Variants in NT5M observed in about 807,000 individuals in gnomAD.
The protein encoded by NT5M is 5',3'-nucleotidase, mitochondrial.
Under a neutral mutation model 22.2 loss-of-function variants are expected in NT5M, and 22 were observed. That is an observed-to-expected ratio of 0.99 (90% CI 0.71 to 1.41). NT5M has a LOEUF of 1.41. NT5M is among the 40% of genes most tolerant of loss of function. The pLI, the probability that NT5M is intolerant of heterozygous loss-of-function variation, is 0.00. For synonymous variants in NT5M, 167 were observed against 133.0 expected, an observed-to-expected ratio of 1.26 and a Z score of -1.76; for missense variants, 322 against 314.8, an observed-to-expected ratio of 1.02 and a Z score of -0.17.
chr17:17,315,471 G>A (rs2049003394), intron 2 of NT5M, among the ~76,000 whole-genome samples: 1 of 152,182 alleles, frequency 6.6e-6, no homozygotes. Context: ...CAGGGAAGGG[G>A]CTGCTTTGGG....
chr17:17,337,509 A>G (rs903055591), intron 3 of NT5M, among the ~76,000 whole-genome samples: 1 of 151,814 alleles, frequency 6.6e-6, no homozygotes, highest in African/African-American at 2.4e-5. Context: ...GGCTCAATCA[A>G]TCCTCCCACC....
chr17:17,325,119 C>T (rs916160991), intron 3 of NT5M, among the ~76,000 whole-genome samples: 1 of 152,184 alleles, frequency 6.6e-6, no homozygotes, highest in African/African-American at 2.4e-5. Context: ...AGGTGATTCT[C>T]ATACACCCTC....
intron 3 of NT5M, among the ~76,000 whole-genome samples, chr17:17,343,761 T>C (rs1289024846): frequency 6.6e-6 from 1 of 152,180 alleles, no homozygotes; most frequent in Non-Finnish European, 1.5e-5. Context: ...GCCCCTCCTC[T>C]GCTTAAAATC....
intron 2 of NT5M, among the ~76,000 whole-genome samples, chr17:17,308,643 C>T (rs2048861259): frequency 6.6e-6 from 1 of 152,020 alleles, no homozygotes; most frequent in Non-Finnish European, 1.5e-5. Context: ...GTATATAATC[C>T]AGTGGTTTTA....
In NT5M at chr17:17,347,063, C is replaced by T. The variant is rs2049776966; in HGVS notation, c.*116C>T. ...CCTCCTAGACTCCTGGGCCCCATGA[C>T]CTCCTGCTGCATGTCCCTTCCCTTC... On this transcript the variant is annotated 3_prime_UTR_variant, in exon 5 of 5. Coordinates refer to ENST00000389022, the MANE Select transcript of NT5M (RefSeq NM_020201.4). 1 of 1,283,132 alleles carries T rather than the reference C, an allele frequency of 7.8e-7. No homozygotes were observed. The highest frequency in any genetic ancestry group is 1.1e-6 in the Non-Finnish European group (1 of 943,654). The allele number at this position is 1,283,132 out of a possible 1,614,324, so 79.5% of individuals were successfully genotyped here.
At chr17:17,345,032 G>T in intron 4 of NT5M, 124 bp downstream of exon 4, 1 of 1,405,666 alleles carries the variant, frequency 7.1e-7, no homozygotes. Context: ...GCCAGGCACT[G>T]AGCCCCTCCC....
At chr17:17,335,392 G>A (rs143587546) in intron 3 of NT5M, among the ~76,000 whole-genome samples, 3,125 of 151,810 alleles carry the variant, frequency 0.021, 114 homozygotes, top group African/African-American at 0.07. Context: ...CAAGTAGCTG[G>A]GACTATAGGC....
chr17:17,312,930 G>A (rs1468047738), intron 2 of NT5M, among the ~76,000 whole-genome samples: 2 of 151,950 alleles, frequency 1.3e-5, no homozygotes, highest in African/African-American at 2.4e-5. Flanking sequence ...CTATGATCAC[G>A]CCATGTACTC....
At chr17:17,313,691 CAG>C (rs923701530) in intron 2 of NT5M, among the ~76,000 whole-genome samples, 3 of 148,030 alleles carry the variant, frequency 2.0e-5, no homozygotes, top group African/African-American at 7.6e-5. Context: ...CCCTGGTAAA[CAG>C]ACATTGGAAC....
intron 3 of NT5M, among the ~76,000 whole-genome samples, chr17:17,334,514 C>T (rs1388284025): frequency 7.3e-6 from 1 of 137,586 alleles, no homozygotes; most frequent in Admixed American, 7.7e-5. Context: ...GAGTCTTGCT[C>T]TGTCGCCAGG....
At chr17:17,306,667 C>CA in intron 2 of NT5M, 24 bp downstream of exon 2, 1 of 1,546,458 alleles carries the variant, frequency 6.5e-7, no homozygotes, top group Non-Finnish European at 8.9e-7. Flanking sequence ...CCCAGCCACT[C>CA]AGTAAGTTTG....
At chr17:17,313,331 A>G (rs1597751510) in intron 2 of NT5M, among the ~76,000 whole-genome samples, 1 of 152,192 alleles carries the variant, frequency 6.6e-6, no homozygotes, top group South Asian at 2.1e-4. Flanking sequence ...ACATTTTTTC[A>G]TAGCTTCTCG....
Position 17,303,432 on chromosome 17 carries a change from G to A in NT5M, c.-119G>A. Reference sequence around the variant, plus strand: ...CGCTCCCCGCCCCGCTCCCCGTCCCGCGCTCCACGCGCGCCCCAGCGTTGG... The same window carrying A: ...CGCTCCCCGCCCCGCTCCCCGTCCCACGCTCCACGCGCGCCCCAGCGTTGG... On this transcript the variant is annotated 5_prime_UTR_variant, in exon 1 of 5. Transcript: ENST00000389022. 5.0e-6 allele frequency: 5 copies of A among 992,282 alleles called. No homozygotes were observed. The highest frequency in any genetic ancestry group is 6.0e-6 in the Non-Finnish European group (5 of 833,948). 61.5% of individuals were successfully genotyped at this position (992,282 alleles called of 1,614,324 possible).
At chr17:17,320,851 G>T (rs536618603) in intron 2 of NT5M, among the ~76,000 whole-genome samples, 1 of 152,106 alleles carries the variant, frequency 6.6e-6, no homozygotes, top group African/African-American at 2.4e-5. Flanking sequence ...GAGAGCTGGC[G>T]TGGCCAGCTG....
intron 3 of NT5M, among the ~76,000 whole-genome samples, chr17:17,329,624 G>C (rs1484537934): frequency 6.6e-6 from 1 of 152,156 alleles, no homozygotes; most frequent in Non-Finnish European, 1.5e-5. Flanking sequence ...TTTGAAGTCT[G>C]GTTTCCAGAT....
intron 3 of NT5M, among the ~76,000 whole-genome samples, chr17:17,332,348 T>C (rs1304004713): frequency 1.3e-5 from 2 of 152,130 alleles, no homozygotes; most frequent in Non-Finnish European, 2.9e-5. Context: ...CTCTGATCTT[T>C]TCCAGCACTG....
chr17:17,328,088 A>G (rs997068339), intron 3 of NT5M, among the ~76,000 whole-genome samples: 10 of 152,128 alleles, frequency 6.6e-5, no homozygotes, highest in Non-Finnish European at 7.4e-5. Flanking sequence ...ATCACACAGA[A>G]ATTTGTATTC....
intron 2 of NT5M, 68 bp downstream of exon 2, chr17:17,306,711 T>C: frequency 9.4e-7 from 1 of 1,060,160 alleles, no homozygotes; most frequent in Non-Finnish European, 1.5e-6. Flanking sequence ...ACCTCCTTCC[T>C]GCTTCTTCCC....
At chr17:17,320,776 C>T (rs946415683) in intron 2 of NT5M, among the ~76,000 whole-genome samples, 1 of 152,114 alleles carries the variant, frequency 6.6e-6, no homozygotes, top group African/African-American at 2.4e-5. Flanking sequence ...GGAGTCTGGG[C>T]TGGGTGGCTG....
Sources: gnomAD v4.1 joint callset for allele counts (sites outside exome capture counted in the v4.1 genomes callset) on GRCh38, gnomAD v4.1.1 for gene constraint, MANE v1.5 for transcripts, NCBI Gene and HGNC (gene_info 2026-07-23, HGNC 2026-07-21) for gene names.